The following SCARA5 variants were observed in gnomAD, a reference collection of about 807,000 sequenced individuals.
The protein encoded by SCARA5 is scavenger receptor class A member 5.
A neutral mutation model predicts 46.3 loss-of-function variants in SCARA5; 45 were observed. That is an observed-to-expected ratio of 0.97 (90% CI 0.76 to 1.24). The LOEUF (loss-of-function observed/expected upper bound fraction) is 1.24. Ranked by LOEUF, SCARA5 falls within the 50% of genes most tolerant of loss-of-function variation. SCARA5 has a pLI of 0.00. For synonymous variants in SCARA5, 333 were observed against 306.5 expected (o/e 1.09, Z -0.90); for missense variants, 680 against 689.0 (o/e 0.99, Z 0.15).
At chr8:27,900,647 A>T (rs1411439962) in intron 7 of SCARA5, among the ~76,000 whole-genome samples, 1 of 152,102 alleles carries the variant, frequency 6.6e-6, no homozygotes, top group Non-Finnish European at 1.5e-5. Context: ...CCTGCTTTAA[A>T]TTCATGCTGT....
chr8:27,907,189 T>G lies in SCARA5; in HGVS notation c.1055A>C (p.Lys352Thr). Reference protein sequence around the residue: ...GLPGPKGDDGKLGATGPMGMR... With the variant: ...GLPGPKGDDGTLGATGPMGMR... ...GCCCATTGGTCCTGTGGCCCCCAGC[T>G]TCCCATCATCGCCCTTGGGCCCGGG... The change falls in exon 6 of 9, where the codon AAG becomes ACG. Residue 352 changes from lysine (K) to threonine (T), a missense_variant. Coordinates refer to ENST00000354914, the MANE Select transcript of SCARA5 (RefSeq NM_173833.6). 6.2e-7 allele frequency: 1 copy of G among 1,613,756 alleles called. No homozygotes were observed. The highest frequency in any genetic ancestry group is 8.5e-7 in the Non-Finnish European group (1 of 1,179,860).
chr8:27,879,426 T>A, intron 8 of SCARA5, 143 bp downstream of exon 8: 1 of 734,544 alleles, frequency 1.4e-6, no homozygotes, highest in Non-Finnish European at 2.3e-6. Flanking sequence ...GGCGGGGCAG[T>A]GAGTTCTTAT....
chr8:27,910,075 G>A (rs1292568908), intron 4 of SCARA5: 2 of 219,354 alleles, frequency 9.1e-6, no homozygotes, highest in Non-Finnish European at 1.8e-5. Flanking sequence ...TAAGAGGTGG[G>A]GTCTTTGGGA....
chr8:27,963,300 C>A (rs1402027466), intron 3 of SCARA5, among the ~76,000 whole-genome samples: 2 of 152,226 alleles, frequency 1.3e-5, no homozygotes, highest in African/African-American at 4.8e-5. Context: ...CACGACCAGG[C>A]AATCTCAATT....
rs774626611 is a variant in SCARA5 at position 27,921,725 on chromosome 8, G to A, written c.762C>T (p.Asn254=). The change falls in exon 4 of 9, where the codon AAC becomes AAT. Residue 254 remains asparagine (N), a synonymous_variant. Transcript: ENST00000354914. ...GCAGGCGGCGCGTGTCCTCGCTGGC[G>A]TTGCTCACCAGCACCCGCAGGTCCT... The part of the protein sequence containing the change: ...RLQDLRVLVS[N]ASEDTRRLRL... 113 of 1,593,186 alleles carry A rather than the reference G, an allele frequency of 7.1e-5. No individual in the cohort carries two copies. The highest frequency in any genetic ancestry group is 3.4e-5 in the Non-Finnish European group (40 of 1,171,776).
chr8:27,932,125 G>A (rs573933888), intron 3 of SCARA5, among the ~76,000 whole-genome samples: 15 of 152,078 alleles, frequency 9.9e-5, no homozygotes, highest in East Asian at 3.9e-4. Context: ...GACTACAGGC[G>A]TGCACCACCA....
At chr8:27,915,817 T>A (rs1404815266) in intron 4 of SCARA5, among the ~76,000 whole-genome samples, 1 of 152,070 alleles carries the variant, frequency 6.6e-6, no homozygotes, top group African/African-American at 2.4e-5. Context: ...GACTGGATGA[T>A]TTCAGATGTA....
Position 27,948,505 on chromosome 8 carries a change from C to G in SCARA5, c.241+17909G>C, listed in dbSNP as rs184577689. ...AGGGCCTGGGGCTGGGCCGTTCCACCGGCAGGTCAGGACCGCCAGGCCAGC... is the reference window on the plus strand; with the variant it reads ...AGGGCCTGGGGCTGGGCCGTTCCACGGGCAGGTCAGGACCGCCAGGCCAGC... On this transcript the variant is annotated intron_variant, in intron 3 of 8. Coordinates refer to ENST00000354914, the MANE Select transcript of SCARA5 (RefSeq NM_173833.6). Among the ~76,000 whole-genome samples, 5 of 152,348 alleles carry G rather than the reference C, an allele frequency of 3.3e-5. No homozygotes were observed. In the South Asian group the frequency reaches 1.0e-3, roughly 32 times the overall value.
At chr8:27,930,039 C>A (rs1047157980) in intron 3 of SCARA5, among the ~76,000 whole-genome samples, 1 of 152,006 alleles carries the variant, frequency 6.6e-6, no homozygotes. Context: ...ATGGTATGGT[C>A]CCCCCCAGTC....
chr8:27,955,555 A>G lies in SCARA5; in HGVS notation c.241+10859T>C, dbSNP rs575929667. On this transcript the variant is annotated intron_variant, in intron 3 of 8. Coordinates refer to ENST00000354914, the MANE Select transcript of SCARA5 (RefSeq NM_173833.6). Reference sequence around the variant, plus strand: ...TTGTCCTAACAAAACCAAACACACCATCTGCCTGGAGGTCCCAGCGAGGGG... The same window carrying G: ...TTGTCCTAACAAAACCAAACACACCGTCTGCCTGGAGGTCCCAGCGAGGGG... 2.6e-5 allele frequency among the ~76,000 whole-genome samples: 4 copies of G among 152,198 alleles called. No homozygotes were observed. The South Asian group carries it at 8.3e-4, about 32-fold the overall frequency.
At chr8:27,895,752 C>A (rs1807055052) in intron 7 of SCARA5, among the ~76,000 whole-genome samples, 1 of 152,178 alleles carries the variant, frequency 6.6e-6, no homozygotes, top group Non-Finnish European at 1.5e-5. Flanking sequence ...GTAGAAGGAG[C>A]AACAGAACTA....
At chr8:27,913,327 G>A (rs952966814) in intron 4 of SCARA5, among the ~76,000 whole-genome samples, 1 of 152,168 alleles carries the variant, frequency 6.6e-6, no homozygotes, top group African/African-American at 2.4e-5. Flanking sequence ...TGATGATTTG[G>A]CCAGAGCCTC....
intron 3 of SCARA5, among the ~76,000 whole-genome samples, chr8:27,947,034 G>T: frequency 6.7e-6 from 1 of 148,364 alleles, no homozygotes; most frequent in South Asian, 2.1e-4. Flanking sequence ...TTTTTTGAGA[G>T]GGAGTCTCGC....
chr8:27,990,483 C>A (rs984348305), intron 1 of SCARA5, among the ~76,000 whole-genome samples: 1 of 152,084 alleles, frequency 6.6e-6, no homozygotes, highest in African/African-American at 2.4e-5. Context: ...TGGGGGTAGG[C>A]TGATGGCATT....
chr8:27,945,299 A>G (rs1808019150), intron 3 of SCARA5, among the ~76,000 whole-genome samples: 3 of 152,170 alleles, frequency 2.0e-5, no homozygotes, highest in Middle Eastern at 3.4e-3. Context: ...GGTGGCAGGC[A>G]TGTCACACAC....
chr8:27,984,753 A>T (rs1334692562), intron 2 of SCARA5, among the ~76,000 whole-genome samples: 2 of 151,888 alleles, frequency 1.3e-5, no homozygotes, highest in African/African-American at 4.8e-5. Flanking sequence ...CCATTTATTC[A>T]TTCATTCACA....
In SCARA5 at chr8:27,884,276, A is replaced by G. The variant is rs146953109; in HGVS notation, c.1154-4510T>C. Among the ~76,000 whole-genome samples, 82 of 152,258 alleles carry G rather than the reference A, an allele frequency of 5.4e-4. No homozygotes were observed. In the South Asian group the frequency reaches 0.012, roughly 23 times the overall value. On this transcript the variant is annotated intron_variant, in intron 7 of 8. Transcript: ENST00000354914. ...CAAACAGGCTGAGGCTATGCAAGAC[A>G]ACAGAGAGATCCTGGAGAAGAAAAA...
At chr8:27,912,438 G>A (rs573711704) in intron 4 of SCARA5, among the ~76,000 whole-genome samples, 5 of 152,338 alleles carry the variant, frequency 3.3e-5, no homozygotes, top group Middle Eastern at 3.4e-3. Context: ...ATTTAAGAAG[G>A]ACTAGATTTT....
intron 3 of SCARA5, among the ~76,000 whole-genome samples, chr8:27,961,476 C>A (rs541923413): frequency 1.3e-5 from 2 of 152,322 alleles, no homozygotes; most frequent in African/African-American, 4.8e-5. Flanking sequence ...AACCATGAGC[C>A]AAATAAACCT....
Sources: gnomAD v4.1 joint callset for allele counts (sites outside exome capture counted in the v4.1 genomes callset) on GRCh38, gnomAD v4.1.1 for gene constraint, MANE v1.5 for transcripts, NCBI Gene and HGNC (gene_info 2026-07-23, HGNC 2026-07-21) for gene names.